Variants in MYCBP2 observed in about 807,000 individuals in gnomAD.
MYCBP2 encodes the protein E3 ubiquitin-protein ligase MYCBP2.
MYCBP2 carries 120 observed loss-of-function variants against 525.3 expected under a neutral mutation model. The observed-to-expected ratio is 0.23, with a 90% CI of 0.20 to 0.27. MYCBP2 has a LOEUF of 0.27. MYCBP2 is among the 10% of genes least tolerant of loss of function. The pLI is 1.00. For synonymous variants in MYCBP2, 1,894 were observed against 1,955.8 expected, an observed-to-expected ratio of 0.97 and a Z score of 0.83; for missense variants, 4,149 against 5,657.1, an observed-to-expected ratio of 0.73 and a Z score of 8.55.
chr13:77,046,527 G>A (rs1012184291), intron 82 of MYCBP2, among the ~76,000 whole-genome samples: 1 of 152,160 alleles, frequency 6.6e-6, no homozygotes, highest in African/African-American at 2.4e-5. Context: ...AACCATGATG[G>A]ATAAAAGGCT....
intron 1 of MYCBP2, among the ~76,000 whole-genome samples, chr13:77,316,490 T>C (rs1415342765): frequency 6.6e-6 from 1 of 152,238 alleles, no homozygotes; most frequent in African/African-American, 2.4e-5. Flanking sequence ...ACATCAGTGC[T>C]GGGCAGGGGC....
At position 77,156,169 on chromosome 13, in the gene MYCBP2, C is replaced by G; in HGVS notation, c.6804G>C (p.Gln2268His). The G allele has an allele frequency of 6.2e-7, 1 of 1,613,878 alleles. No homozygotes were observed. Among genetic ancestry groups the G allele is most frequent in the Non-Finnish European group, 8.5e-7 (1 of 1,179,878 alleles). The change falls in exon 46 of 83, where the codon CAG becomes CAC. Residue 2268 changes from glutamine to histidine, a missense_variant. By Grantham distance (24) the Gln-to-His change is conservative. Around this residue, in one of 21 missense-constraint regions of MYCBP2, gnomAD observed 692 missense variants for 852.7 expected, o/e 0.81. Coordinates refer to ENST00000544440, the MANE Select transcript of MYCBP2 (RefSeq NM_015057.5). The part of the protein sequence containing the change: ...WLQPDSYADP[Q>H]KTSLILNKDD... ...CCTTATTCAGGATCAAAGATGTTTT[C>G]TGAGGATCCGCATATGAATCTGGCT... is the stretch of plus-strand genomic sequence containing the variant.
Position 77,077,226 on chromosome 13 carries a change from G to C in MYCBP2, c.11646C>G (p.Gly3882=). Reference sequence around the variant, plus strand: ...GCTGGGCCACACTGGCTGAAATCTGGCCAGCTATTTTTGTGCTTTCACCAT... The same window carrying C: ...GCTGGGCCACACTGGCTGAAATCTGCCCAGCTATTTTTGTGCTTTCACCAT... ...WKDGESTKIA[G]QISASVAQQR... The change falls in exon 67 of 83, where the codon GGC becomes GGG. Residue 3882 remains glycine (G), a synonymous_variant. Coordinates refer to ENST00000544440, the MANE Select transcript of MYCBP2 (RefSeq NM_015057.5). 1 of 1,613,992 alleles carries C rather than the reference G, an allele frequency of 6.2e-7. No homozygotes were observed. The highest frequency in any genetic ancestry group is 8.5e-7 in the Non-Finnish European group (1 of 1,179,976).
intron 1 of MYCBP2, among the ~76,000 whole-genome samples, chr13:77,319,807 C>T (rs766761549): frequency 2.6e-5 from 4 of 152,140 alleles, no homozygotes; most frequent in Non-Finnish European, 5.9e-5. Flanking sequence ...ATTCTCATTG[C>T]CAGCCAGCCA....
At chr13:77,267,228 CA>C (rs944405419) in intron 8 of MYCBP2, among the ~76,000 whole-genome samples, 6 of 151,458 alleles carry the variant, frequency 4.0e-5, no homozygotes, top group Non-Finnish European at 7.4e-5. Context: ...GATAATTTAG[CA>C]GTGATTTAAG....
chr13:77,079,773 C>A (rs903804823), intron 65 of MYCBP2, among the ~76,000 whole-genome samples: 6 of 152,162 alleles, frequency 3.9e-5, no homozygotes, highest in African/African-American at 1.4e-4. Flanking sequence ...ACCAGAAATG[C>A]TCCAATATGC....
At chr13:77,240,481 A>AC (rs2068647089) in intron 17 of MYCBP2, among the ~76,000 whole-genome samples, 1 of 151,996 alleles carries the variant, frequency 6.6e-6, no homozygotes, top group Admixed American at 6.6e-5. Context: ...GGTGGCGGGC[A>AC]CCTGTAGTCC....
chr13:77,117,309 T>C (rs1453646772), intron 55 of MYCBP2, among the ~76,000 whole-genome samples: 1 of 152,060 alleles, frequency 6.6e-6, no homozygotes, highest in Non-Finnish European at 1.5e-5. Flanking sequence ...ATAGTACTTA[T>C]ATTTCCAAAC....
At chr13:77,069,409 T>C (rs1447876638) in intron 69 of MYCBP2, among the ~76,000 whole-genome samples, 1 of 152,014 alleles carries the variant, frequency 6.6e-6, no homozygotes, top group Admixed American at 6.5e-5. Context: ...GATCATGAGA[T>C]CAGGAGATCG....
intron 46 of MYCBP2, among the ~76,000 whole-genome samples, chr13:77,152,713 T>A (rs1442744736): frequency 6.6e-6 from 1 of 152,122 alleles, no homozygotes; most frequent in Admixed American, 6.5e-5. Flanking sequence ...TATCACCTTC[T>A]TCTCACACCA....
Position 77,065,986 on chromosome 13 carries a change from A to G in MYCBP2, c.12552+6T>C, listed in dbSNP as rs2040142628. The G allele has an allele frequency of 1.2e-6, 2 of 1,605,680 alleles. No homozygotes were observed. The highest frequency in any genetic ancestry group is 2.7e-5 in the African/African-American group (2 of 74,700). ...TCACTGCCAAAACAGAAGAATGGGA[A>G]CTTACTGCTGCCATATCCTTGATAA... On this transcript the variant is annotated splice_donor_region_variant and intron_variant, in intron 72 of 82. Coordinates refer to ENST00000544440, the MANE Select transcript of MYCBP2 (RefSeq NM_015057.5).
At chr13:77,146,302 G>A in intron 47 of MYCBP2, 85 bp from the exon 48 acceptor site, 1 of 873,948 alleles carries the variant, frequency 1.1e-6, no homozygotes, top group Non-Finnish European at 1.7e-6. Context: ...TTCAATAAAT[G>A]GTTGTGAGAC....
intron 52 of MYCBP2, among the ~76,000 whole-genome samples, chr13:77,137,064 G>A (rs1055045612): frequency 8.6e-5 from 13 of 151,982 alleles, no homozygotes; most frequent in African/African-American, 2.9e-4. Context: ...AACAACCTCC[G>A]CACTCACATT....
At chr13:77,270,831 T>C (rs541962893) in intron 5 of MYCBP2, among the ~76,000 whole-genome samples, 31 of 152,296 alleles carry the variant, frequency 2.0e-4, no homozygotes, top group African/African-American at 7.5e-4. Context: ...GAACTCAGAT[T>C]GTATTACATT....
At chr13:77,169,855 G>T in intron 38 of MYCBP2, 141 bp from the exon 39 acceptor site, 1 of 698,236 alleles carries the variant, frequency 1.4e-6, no homozygotes. Flanking sequence ...CAAGGGCCTG[G>T]TACTATTCTA....
chr13:77,314,272 T>TA (rs1417578014), intron 1 of MYCBP2, among the ~76,000 whole-genome samples: 7 of 152,184 alleles, frequency 4.6e-5, no homozygotes, highest in Non-Finnish European at 8.8e-5. Flanking sequence ...TGTCAATTTC[T>TA]AAAAAAGAAA....
chr13:77,143,004 C>T (rs6562983), intron 49 of MYCBP2, among the ~76,000 whole-genome samples: 111,141 of 152,114 alleles, frequency 0.73, 41,826 homozygotes, highest in Middle Eastern at 0.84. Context: ...AAACCCCTTT[C>T]CTTGAGGAGC....
In MYCBP2 at chr13:77,168,476, G is replaced by A. The variant is rs771024491; in HGVS notation, c.6066C>T (p.Val2022=). The A allele has an allele frequency of 1.2e-6, 2 of 1,614,030 alleles. No homozygotes were observed. Among genetic ancestry groups the A allele is most frequent in the Non-Finnish European group, 1.7e-6 (2 of 1,180,024 alleles). The change falls in exon 40 of 83, where the codon GTC becomes GTT. Residue 2022 remains valine, a synonymous_variant. Coordinates refer to ENST00000544440, the MANE Select transcript of MYCBP2 (RefSeq NM_015057.5). The stretch of plus-strand genomic sequence containing the variant: ...GTTTATACGGGTGCTCACTCTCTAT[G>A]ACAGCATAGTGACTGGAGGTTGTAC... ...SACTTSSHYA[V]IESEHPYKPA...
intron 15 of MYCBP2, among the ~76,000 whole-genome samples, chr13:77,245,991 A>G (rs1442659862): frequency 2.6e-5 from 4 of 152,206 alleles, no homozygotes; most frequent in East Asian, 1.9e-4. Flanking sequence ...CAGCCCTTTC[A>G]TATCGATTGT....
Sources: gnomAD v4.1 joint callset for allele counts (sites outside exome capture counted in the v4.1 genomes callset) on GRCh38, gnomAD v4.1.1 for gene constraint, gnomAD v4.1.1 regional missense constraint, MANE v1.5 for transcripts, NCBI Gene and HGNC (gene_info 2026-07-23, HGNC 2026-07-21) for gene names.